TMEM38B: variants seen among roughly 807,000 people sequenced by gnomAD.
TMEM38B encodes the protein transmembrane protein 38B.
TMEM38B carries 24 observed loss-of-function variants against 28.7 expected under a neutral mutation model. That is an observed-to-expected ratio of 0.84 (90% CI 0.61 to 1.18). The LOEUF (loss-of-function observed/expected upper bound fraction) is 1.18, where lower values mean the gene tolerates loss of function less well. Ranked by LOEUF, TMEM38B falls within the 50% of genes most tolerant of loss-of-function variation. The pLI, the probability that TMEM38B is intolerant of heterozygous loss-of-function variation, is 0.00. For missense variants in TMEM38B, 380 were observed against 350.9 expected (o/e 1.08, Z -0.66); for synonymous variants, 131 against 127.7 (o/e 1.03, Z -0.17).
intron 5 of TMEM38B, among the ~76,000 whole-genome samples, chr9:105,750,228 G>C (rs1361025126): frequency 6.6e-6 from 1 of 151,630 alleles, no homozygotes; most frequent in African/African-American, 2.4e-5. Flanking sequence ...TTCATATTTT[G>C]GATACTAGAA....
intron 4 of TMEM38B, among the ~76,000 whole-genome samples, chr9:105,735,935 T>G (rs1162561668): frequency 3.9e-5 from 6 of 152,166 alleles, no homozygotes; most frequent in African/African-American, 7.2e-5. Flanking sequence ...GGCATGGACA[T>G]AGCTCACTGT....
chr9:105,725,731 T>C (rs983368945), intron 4 of TMEM38B, among the ~76,000 whole-genome samples: 1 of 152,010 alleles, frequency 6.6e-6, no homozygotes, highest in Admixed American at 6.6e-5. Context: ...AAAAATATGG[T>C]CTGAAAGATA....
At chr9:105,739,378 G>T (rs371017798) in intron 4 of TMEM38B, among the ~76,000 whole-genome samples, 1 of 149,538 alleles carries the variant, frequency 6.7e-6, no homozygotes, top group East Asian at 1.9e-4. Context: ...TGAGGCTTCC[G>T]TAAAAATCCT....
At chr9:105,756,711 T>C (rs1837843592) in intron 5 of TMEM38B, among the ~76,000 whole-genome samples, 1 of 152,160 alleles carries the variant, frequency 6.6e-6, no homozygotes, top group Admixed American at 6.5e-5. Flanking sequence ...AATGTAATAA[T>C]AATAAAGATA....
At chr9:105,707,800 T>C (rs1835732034) in intron 2 of TMEM38B, among the ~76,000 whole-genome samples, 1 of 152,218 alleles carries the variant, frequency 6.6e-6, no homozygotes, top group Non-Finnish European at 1.5e-5. Flanking sequence ...CTTTAGAGTC[T>C]TCACACTTTG....
intron 4 of TMEM38B, among the ~76,000 whole-genome samples, chr9:105,731,654 G>A (rs186274598): frequency 6.6e-6 from 1 of 152,078 alleles, no homozygotes; most frequent in Admixed American, 6.6e-5. Flanking sequence ...TTTTATGGCT[G>A]CATAGTATTC....
chr9:105,720,095 A>T (rs1005258335), intron 2 of TMEM38B, among the ~76,000 whole-genome samples: 1 of 152,088 alleles, frequency 6.6e-6, no homozygotes, highest in African/African-American at 2.4e-5. Flanking sequence ...TTTTAAAGCC[A>T]TACAAATGGT....
chr9:105,730,673 T>C (rs941733141), intron 4 of TMEM38B, among the ~76,000 whole-genome samples: 3 of 152,216 alleles, frequency 2.0e-5, no homozygotes, highest in Non-Finnish European at 4.4e-5. Context: ...CTGTAGAATT[T>C]GGCTGTGAAT....
At chr9:105,705,498 T>C in intron 1 of TMEM38B, 99 bp from the exon 2 acceptor site, 1 of 1,184,166 alleles carries the variant, frequency 8.4e-7, no homozygotes, top group Non-Finnish European at 1.2e-6. Context: ...TTGAAAATTA[T>C]GAATTTAAGA....
chr9:105,728,247 C>T (rs1836595745), intron 4 of TMEM38B, among the ~76,000 whole-genome samples: 1 of 151,900 alleles, frequency 6.6e-6, no homozygotes, highest in African/African-American at 2.4e-5. Context: ...CTCCCAGCCC[C>T]CCAGCCCCCA....
At chr9:105,719,711 G>C (rs1836253097) in intron 2 of TMEM38B, among the ~76,000 whole-genome samples, 1 of 152,132 alleles carries the variant, frequency 6.6e-6, no homozygotes, top group Admixed American at 6.5e-5. Flanking sequence ...ATGTCACATA[G>C]TTGAATACCG....
chr9:105,711,417 A>G (rs1380507821), intron 2 of TMEM38B, among the ~76,000 whole-genome samples: 1 of 151,254 alleles, frequency 6.6e-6, no homozygotes. Context: ...CTCCAGCCTG[A>G]GTAACAGACC....
chr9:105,722,572 G>A lies in TMEM38B; in HGVS notation c.493G>A (p.Val165Ile). Residue 165 changes from valine (V) to isoleucine (I), a missense_variant, in exon 4 of 6, where the codon GTA becomes ATA. Val to Ile is a conservative substitution (Grantham distance 29, BLOSUM62 3). Coordinates refer to ENST00000374692, the MANE Select transcript of TMEM38B (RefSeq NM_018112.3). ...GTIITNFERLVKGDWKPEGDE... is the reference protein window; with the variant it reads ...GTIITNFERLIKGDWKPEGDE... ...CATTATAACGAATTTTGAGAGGTTG[G>A]TAAAAGGAGATTGGAAACCAGAAGG... The A allele has an allele frequency of 2.5e-6, 4 of 1,613,698 alleles. No individual in the cohort carries two copies. Among genetic ancestry groups the A allele is most frequent in the Non-Finnish European group, 3.4e-6 (4 of 1,179,804 alleles).
intron 1 of TMEM38B, among the ~76,000 whole-genome samples, chr9:105,705,212 C>T (rs796168467): frequency 2.3e-4 from 35 of 152,222 alleles, no homozygotes; most frequent in African/African-American, 7.9e-4. Context: ...TTCCAATATA[C>T]TTAAGATTGT....
intron 2 of TMEM38B, among the ~76,000 whole-genome samples, chr9:105,709,556 A>AT (rs1308338523): frequency 6.6e-6 from 1 of 152,252 alleles, no homozygotes; most frequent in African/African-American, 2.4e-5. Flanking sequence ...GGAATTATCT[A>AT]CTTTTCTCCT....
At chr9:105,759,479 G>A (rs1837957933) in intron 5 of TMEM38B, 19 of 1,580,332 alleles carry the variant, frequency 1.2e-5, no homozygotes, top group Admixed American at 9.0e-5. Context: ...AGAAACAGAG[G>A]AGTGAGTGCT....
chr9:105,752,657 C>T (rs1342142260), intron 5 of TMEM38B, among the ~76,000 whole-genome samples: 2 of 152,068 alleles, frequency 1.3e-5, no homozygotes, highest in African/African-American at 4.8e-5. Context: ...CCACAAAAAC[C>T]CCATTCAGAA....
At chr9:105,714,980 C>T (rs1421381696) in intron 2 of TMEM38B, among the ~76,000 whole-genome samples, 1 of 152,074 alleles carries the variant, frequency 6.6e-6, no homozygotes, top group Non-Finnish European at 1.5e-5. Flanking sequence ...AAATTCAGGA[C>T]CATATAGCTT....
chr9:105,731,822 A>C (rs1288856607), intron 4 of TMEM38B, among the ~76,000 whole-genome samples: 4 of 152,218 alleles, frequency 2.6e-5, no homozygotes, highest in Admixed American at 2.6e-4. Flanking sequence ...GTATATACCC[A>C]GTAATGGGAT....
Sources: gnomAD v4.1 joint callset for allele counts (sites outside exome capture counted in the v4.1 genomes callset) on GRCh38, gnomAD v4.1.1 for gene constraint, MANE v1.5 for transcripts, NCBI Gene and HGNC (gene_info 2026-07-23, HGNC 2026-07-21) for gene names.